The following ME1 variants were observed in gnomAD, a reference collection of about 807,000 sequenced individuals.
ME1 encodes malic enzyme 1.
ME1 carries 74 observed loss-of-function variants against 66.4 expected under a neutral mutation model. That is an observed-to-expected ratio of 1.11 (90% CI 0.92 to 1.35). The LOEUF (loss-of-function observed/expected upper bound fraction) is 1.35, where lower values mean the gene tolerates loss of function less well. ME1 is among the 40% of genes most tolerant of loss of function. The pLI, the probability that ME1 is intolerant of heterozygous loss-of-function variation, is 0.00. For synonymous variants in ME1, 251 were observed against 235.6 expected, an observed-to-expected ratio of 1.07 and a Z score of -0.60; for missense variants, 750 against 694.1, an observed-to-expected ratio of 1.08 and a Z score of -0.90.
chr6:83,253,136 G>A (rs1424899399), intron 7 of ME1, among the ~76,000 whole-genome samples: 3 of 152,036 alleles, frequency 2.0e-5, no homozygotes, highest in East Asian at 3.9e-4. Context: ...CATGGATCTG[G>A]AGAGGATTAA....
intron 5 of ME1, among the ~76,000 whole-genome samples, chr6:83,340,166 T>C (rs1768551559): frequency 6.6e-6 from 1 of 152,150 alleles, no homozygotes; most frequent in African/African-American, 2.4e-5. Context: ...CACAGTATTT[T>C]TTAGTTGGTT....
rs569568405 is a variant in ME1 at position 83,411,117 on chromosome 6, G to A, written c.79-3216C>T. ...CTATGGGCCGGGCGTGGTGGCTCAC[G>A]CCTGTAATCCCAGCACTTTGGGAGG... On this transcript the variant is annotated intron_variant, in intron 1 of 13. Transcript: ENST00000369705. Among the ~76,000 whole-genome samples the A allele has an allele frequency of 3.3e-5, 5 of 151,980 alleles. No individual in the cohort carries two copies. The South Asian group carries it at 6.3e-4, about 19-fold the overall frequency.
intron 6 of ME1, among the ~76,000 whole-genome samples, chr6:83,287,072 T>C (rs1167269006): frequency 6.6e-6 from 1 of 152,188 alleles, no homozygotes; most frequent in East Asian, 1.9e-4. Flanking sequence ...CTTTAAAAAC[T>C]GTTTTTATGA....
At chr6:83,397,632 C>T (rs965829998) in intron 3 of ME1, among the ~76,000 whole-genome samples, 1 of 151,908 alleles carries the variant, frequency 6.6e-6, no homozygotes, top group African/African-American at 2.4e-5. Flanking sequence ...GGTACATATC[C>T]AAAGGAAATG....
intron 1 of ME1, among the ~76,000 whole-genome samples, chr6:83,413,680 A>G (rs753640277): frequency 2.6e-5 from 4 of 152,156 alleles, no homozygotes; most frequent in Admixed American, 2.6e-4. Context: ...TTTTACATCT[A>G]CATTAAGAGA....
chr6:83,393,458 C>A (rs1192940249), intron 3 of ME1: 2 of 548,938 alleles, frequency 3.6e-6, no homozygotes, highest in East Asian at 6.5e-5. Context: ...AAGAGAGCGG[C>A]CCTCACTGCT....
At chr6:83,393,210 C>T (rs1280873192) in intron 3 of ME1, 4 of 1,166,688 alleles carry the variant, frequency 3.4e-6, no homozygotes, top group Admixed American at 3.4e-5. Flanking sequence ...AGAGGACCCC[C>T]TCAAAGGCAT....
chr6:83,351,565 TAA>T (rs1416666398), intron 4 of ME1, among the ~76,000 whole-genome samples: 10 of 152,194 alleles, frequency 6.6e-5, no homozygotes, highest in Admixed American at 6.5e-4. Context: ...ATTATTATTA[TAA>T]GAGTTAATCC....
At chr6:83,229,484 C>T (rs149414017) in intron 9 of ME1, among the ~76,000 whole-genome samples, 2 of 152,220 alleles carry the variant, frequency 1.3e-5, no homozygotes, top group African/African-American at 2.4e-5. Flanking sequence ...AATATTCTAG[C>T]TGCAAATTTT....
At chr6:83,300,204 A>G (rs1472358231) in intron 6 of ME1, among the ~76,000 whole-genome samples, 6 of 152,158 alleles carry the variant, frequency 3.9e-5, no homozygotes, top group Non-Finnish European at 8.8e-5. Flanking sequence ...TACAGATTGA[A>G]GCTAGACTCC....
chr6:83,364,230 C>T (rs1177496504), intron 3 of ME1, among the ~76,000 whole-genome samples: 1 of 152,132 alleles, frequency 6.6e-6, no homozygotes, highest in Non-Finnish European at 1.5e-5. Context: ...CCTAGCCTCC[C>T]CTACCCTACA....
chr6:83,237,834 A>G lies in ME1; in HGVS notation c.913-4T>C. On this transcript the variant is annotated splice_polypyrimidine_tract_variant and splice_region_variant and intron_variant, in intron 8 of 13. Coordinates refer to ENST00000369705, the MANE Select transcript of ME1 (RefSeq NM_002395.6). ...GGTGTGCAATCCCTAGGGCAGCCTC[A>G]GTGATGAAAAGAAAAAATTTTAAAG... The G allele has an allele frequency of 6.6e-7, 1 of 1,521,708 alleles. No individual in the cohort carries two copies. Among genetic ancestry groups the G allele is most frequent in the Non-Finnish European group, 8.9e-7 (1 of 1,117,742 alleles). The allele number at this position is 1,521,708 out of a possible 1,614,324, so 94.3% of individuals were successfully genotyped here.
At chr6:83,366,052 C>T (rs192058267) in intron 3 of ME1, among the ~76,000 whole-genome samples, 1 of 152,170 alleles carries the variant, frequency 6.6e-6, no homozygotes, top group African/African-American at 2.4e-5. Context: ...TTGCTCCAAT[C>T]CTTGGACTCA....
Position 83,223,862 on chromosome 6 carries a change from A to G in ME1, c.1347T>C (p.Pro449=), listed in dbSNP as rs1225699006. 1.2e-6 allele frequency: 2 copies of G among 1,613,920 alleles called. No homozygotes were observed. The change falls in exon 12 of 14, where the codon CCT becomes CCC. Residue 449 remains proline (P), a synonymous_variant. Transcript: ENST00000369705. Reference sequence around the variant, plus strand: ...ACACATAGGAATTGTTGCCTTGGCCAGGATATAGGGTCTGTCCATTTGGAA... The same window carrying G: ...ACACATAGGAATTGTTGCCTTGGCCGGGATATAGGGTCTGTCCATTTGGAA... ...VTLPNGQTLY[P]GQGNNSYVFP...
intron 12 of ME1, among the ~76,000 whole-genome samples, chr6:83,218,183 G>GT (rs1313778072): frequency 1.3e-5 from 2 of 152,250 alleles, no homozygotes; most frequent in Non-Finnish European, 2.9e-5. Context: ...CACCAAACAA[G>GT]TGGGGCTTGC....
intron 5 of ME1, among the ~76,000 whole-genome samples, chr6:83,340,144 C>A (rs1426192371): frequency 6.6e-6 from 1 of 152,066 alleles, no homozygotes; most frequent in African/African-American, 2.4e-5. Flanking sequence ...TTACTGAGTG[C>A]TATAATTTGA....
chr6:83,309,150 A>G (rs567467977), intron 6 of ME1, among the ~76,000 whole-genome samples: 15 of 152,286 alleles, frequency 9.8e-5, no homozygotes, highest in Middle Eastern at 3.4e-3. Flanking sequence ...GAATAAAATG[A>G]TAAGCTTTCC....
chr6:83,228,819 T>C lies in ME1; in HGVS notation c.1132+7A>G. The C allele has an allele frequency of 6.3e-7, 1 of 1,577,736 alleles. No homozygotes were observed. The highest frequency in any genetic ancestry group is 8.7e-7 in the Non-Finnish European group (1 of 1,154,896). Reference sequence around the variant, plus strand: ...GTAGGGGAGAAGGGAGAGGAGAAAATGCTTACCTATGAGGGCAGTTGGTTT... The same window carrying C: ...GTAGGGGAGAAGGGAGAGGAGAAAACGCTTACCTATGAGGGCAGTTGGTTT... On this transcript the variant is annotated splice_region_variant and intron_variant, in intron 10 of 13. Transcript: ENST00000369705.
intron 6 of ME1, among the ~76,000 whole-genome samples, chr6:83,300,382 A>G (rs1297944323): frequency 6.6e-6 from 1 of 152,130 alleles, no homozygotes; most frequent in Non-Finnish European, 1.5e-5. Context: ...AAAAATTTAT[A>G]AATAGGATCT....
Sources: allele counts gnomAD v4.1 joint callset (sites outside exome capture counted in the v4.1 genomes callset), GRCh38; gene constraint gnomAD v4.1.1; transcripts MANE v1.5; gene names NCBI Gene and HGNC (gene_info 2026-07-23, HGNC 2026-07-21).